Variants in TAMM41 observed in about 807,000 individuals in gnomAD.
TAMM41 encodes TAM41 mitochondrial translocator assembly and maintenance homolog.
Under a neutral mutation model 44.1 loss-of-function variants are expected in TAMM41, and 36 were observed. The observed-to-expected ratio is 0.82, with a 90% CI of 0.63 to 1.08. The LOEUF (loss-of-function observed/expected upper bound fraction) is 1.08, where lower values mean the gene tolerates loss of function less well. Ranked by LOEUF, TAMM41 falls within the 50% of genes least tolerant of loss-of-function variation. TAMM41 has a pLI of 0.00. For missense variants in TAMM41, 417 were observed against 404.3 expected, an observed-to-expected ratio of 1.03 and a Z score of -0.27; for synonymous variants, 164 against 153.1, an observed-to-expected ratio of 1.07 and a Z score of -0.53.
chr3:11,802,131 T>C (rs1168866273), intron 7 of TAMM41, among the ~76,000 whole-genome samples: 3 of 152,174 alleles, frequency 2.0e-5, no homozygotes, highest in Non-Finnish European at 4.4e-5. Flanking sequence ...GGTGGGAGGA[T>C]TGCTTAAGCC....
chr3:11,771,875 G>A, the TAMM41 span, among the ~76,000 whole-genome samples: 9 of 152,150 alleles, frequency 5.9e-5, no homozygotes, highest in East Asian at 9.7e-4. Flanking sequence ...GAGCCACCAC[G>A]CCCGGCCTGT....
At chr3:11,837,177 G>A (rs572223018) in intron 3 of TAMM41, among the ~76,000 whole-genome samples, 1 of 152,146 alleles carries the variant, frequency 6.6e-6, no homozygotes, top group South Asian at 2.1e-4. Flanking sequence ...AGTGAGCTAA[G>A]GCTATGGAAA....
the TAMM41 span, among the ~76,000 whole-genome samples, chr3:11,770,655 C>A: frequency 6.6e-6 from 1 of 152,078 alleles, no homozygotes; most frequent in Non-Finnish European, 1.5e-5. Context: ...AGGTCAGGAA[C>A]GATTGGCTGG....
chr3:11,795,323 G>T (rs2077578767), intron 7 of TAMM41, among the ~76,000 whole-genome samples: 1 of 152,148 alleles, frequency 6.6e-6, no homozygotes, highest in Admixed American at 6.6e-5. Context: ...TCTGCTCAGG[G>T]AATGAATGGC....
the TAMM41 span, among the ~76,000 whole-genome samples, chr3:11,727,723 C>G: frequency 6.6e-6 from 1 of 152,028 alleles, no homozygotes; most frequent in Non-Finnish European, 1.5e-5. Context: ...GCCTTGGCCT[C>G]CCAAAGTGCT....
chr3:11,786,286 TTTATTATTATTA>T (rs60089566), downstream of TAMM41, among the ~76,000 whole-genome samples: 1 of 138,870 alleles, frequency 7.2e-6, no homozygotes, highest in African/African-American at 2.7e-5. Context: ...TTTATTTAAT[TTTATTATTATTA>T]TTATTATTAT....
chr3:11,822,143 G>A (rs1401644351), intron 4 of TAMM41, among the ~76,000 whole-genome samples: 1 of 151,950 alleles, frequency 6.6e-6, no homozygotes, highest in African/African-American at 2.4e-5. Flanking sequence ...TTCAGATAAG[G>A]GATACTCAGC....
intron 5 of TAMM41, among the ~76,000 whole-genome samples, chr3:11,815,753 T>C (rs904505951): frequency 2.0e-5 from 3 of 151,854 alleles, no homozygotes; most frequent in Admixed American, 1.3e-4. Flanking sequence ...TCTTCCAGGA[T>C]GGCAAAAATA....
the TAMM41 span, among the ~76,000 whole-genome samples, chr3:11,755,901 G>A: frequency 2.6e-5 from 4 of 152,084 alleles, no homozygotes; most frequent in African/African-American, 4.8e-5. Context: ...CTGTCTGTTC[G>A]TCCCCTGACT....
At chr3:11,755,403 G>T in the TAMM41 span, among the ~76,000 whole-genome samples, 1 of 152,312 alleles carries the variant, frequency 6.6e-6, no homozygotes, top group South Asian at 2.1e-4. Flanking sequence ...ATTGAGGAAG[G>T]CCTGTTGCAG....
At chr3:11,837,291 C>T (rs956357273) in intron 3 of TAMM41, among the ~76,000 whole-genome samples, 1 of 152,056 alleles carries the variant, frequency 6.6e-6, no homozygotes, top group Non-Finnish European at 1.5e-5. Flanking sequence ...GACCCTCTCA[C>T]GCACAGTGAA....
chr3:11,826,605 T>C (rs1029923157), intron 4 of TAMM41: 4 of 149,516 alleles, frequency 2.7e-5, no homozygotes, highest in African/African-American at 9.9e-5. Context: ...CTTTGTGAGA[T>C]AGTTATTTGT....
chr3:11,802,555 T>C (rs141950597), intron 7 of TAMM41, among the ~76,000 whole-genome samples: 327 of 152,208 alleles, frequency 2.1e-3, no homozygotes, highest in African/African-American at 7.6e-3. Context: ...GAATCACTAA[T>C]AAAAATCTCC....
the TAMM41 span, among the ~76,000 whole-genome samples, chr3:11,756,551 T>A: frequency 6.6e-6 from 1 of 152,154 alleles, no homozygotes; most frequent in Non-Finnish European, 1.5e-5. Flanking sequence ...CAGCCAGGAC[T>A]GATAGAGCCA....
chr3:11,808,058 G>A (rs1325992606), intron 6 of TAMM41, 163 bp from the exon 7 acceptor site: 10 of 1,346,068 alleles, frequency 7.4e-6, no homozygotes, highest in Non-Finnish European at 9.8e-6. Context: ...AGGGCAGTGG[G>A]ATTGAGGGCC....
downstream of TAMM41, among the ~76,000 whole-genome samples, chr3:11,788,902 A>G (rs1242341090): frequency 6.6e-6 from 1 of 152,122 alleles, no homozygotes; most frequent in East Asian, 1.9e-4. Flanking sequence ...ATGCCACTGC[A>G]TTCCAGCCTG....
the TAMM41 span, among the ~76,000 whole-genome samples, chr3:11,751,350 C>T: frequency 6.6e-6 from 1 of 152,122 alleles, no homozygotes; most frequent in South Asian, 2.1e-4. Flanking sequence ...CCTCGGCCCC[C>T]CAAAGAGCTG....
At chr3:11,842,486 G>A (rs1360669211) in intron 2 of TAMM41, among the ~76,000 whole-genome samples, 1 of 151,692 alleles carries the variant, frequency 6.6e-6, no homozygotes, top group Non-Finnish European at 1.5e-5. Flanking sequence ...TTGGGGTCAG[G>A]AGTTCAAGAC....
chr3:11,747,187 C>T, the TAMM41 span, among the ~76,000 whole-genome samples: 93 of 152,228 alleles, frequency 6.1e-4, 1 homozygote, highest in Admixed American at 4.5e-3. Flanking sequence ...CTCAGCCTCC[C>T]GAGTAGCTGG....
Sources: gnomAD v4.1 joint callset for allele counts (sites outside exome capture counted in the v4.1 genomes callset) on GRCh38, gnomAD v4.1.1 for gene constraint, MANE v1.5 for transcripts, NCBI Gene and HGNC (gene_info 2026-07-23, HGNC 2026-07-21) for gene names.